Variants in ZC3H12D observed in about 807,000 individuals in gnomAD.
ZC3H12D encodes zinc finger CCCH-type containing 12D.
In ZC3H12D, 11 loss-of-function variants were observed where a neutral mutation model predicts 24.2. The ratio of observed to expected loss-of-function variants is 0.46; its 90% CI spans 0.29 to 0.75. The LOEUF is 0.75. ZC3H12D is among the 30% of genes least tolerant of loss of function. ZC3H12D has a pLI of 0.11. For synonymous variants in ZC3H12D, 333 were observed against 341.8 expected (o/e 0.97, Z 0.28); for missense variants, 740 against 767.7 (o/e 0.96, Z 0.43).
intron 1 of ZC3H12D, among the ~76,000 whole-genome samples, chr6:149,479,521 C>A (rs1776391948): frequency 6.6e-6 from 1 of 152,148 alleles, no homozygotes. Context: ...CCGGAGCCTA[C>A]AGACAGAATG....
At chr6:149,484,426 G>A (rs1032111915) in intron 1 of ZC3H12D, among the ~76,000 whole-genome samples, 2 of 152,128 alleles carry the variant, frequency 1.3e-5, no homozygotes, top group Non-Finnish European at 2.9e-5. Flanking sequence ...GCTCAAATGT[G>A]CCTGGGAGTT....
In ZC3H12D at chr6:149,456,499, T is replaced by C. The variant is rs1047642965; in HGVS notation, c.680+167A>G. Among the ~76,000 whole-genome samples the C allele has an allele frequency of 5.9e-5, 9 of 152,136 alleles. No individual in the cohort carries two copies. The highest frequency in any genetic ancestry group is 1.9e-4 in the East Asian group (1 of 5,152). ...AGGTCAGAGCAAAGCAGCCCACCTA[T>C]TGGGGACGTGCCCGCCGAGAATGCG... On this transcript the variant is annotated intron_variant, in intron 4 of 5. Transcript: ENST00000409806. This position sits in a 1 kb window ranked among gnomAD's most constrained non-coding sequence, Gnocchi z 4.3.
At chr6:149,455,537 C>G (rs1389804768) in intron 4 of ZC3H12D, among the ~76,000 whole-genome samples, 1 of 152,204 alleles carries the variant, frequency 6.6e-6, no homozygotes, top group Non-Finnish European at 1.5e-5. Flanking sequence ...AGACCCTCAT[C>G]CACCTTGCCA....
rs561924051 is a variant in ZC3H12D, at chr6:149,466,615, C to T, written c.306-4645G>A. ...TTTCTTGGCTGGGTGCTGTGGCTCA[C>T]GCCTGTAATCCCAGCACTTTGGGAG... On this transcript the variant is annotated intron_variant, in intron 2 of 5. Transcript: ENST00000409806. Among the ~76,000 whole-genome samples, 10 of 152,220 alleles carry T rather than the reference C, an allele frequency of 6.6e-5. No individual in the cohort carries two copies. In the East Asian group the frequency reaches 1.7e-3, roughly 26 times the overall value.
Position 149,474,408 on chromosome 6 carries a change from G to T in ZC3H12D, c.136C>A (p.Arg46Ser), listed in dbSNP as rs779864351. The T allele has an allele frequency of 4.4e-6, 7 of 1,608,260 alleles. No individual in the cohort carries two copies. The highest frequency in any genetic ancestry group is 1.7e-5 in the Admixed American group (1 of 59,794). The change falls in exon 2 of 6, where the codon CGC becomes AGC. Residue 46 changes from arginine (R) to serine (S), a missense_variant. Coordinates refer to ENST00000409806, the MANE Select transcript of ZC3H12D (RefSeq NM_207360.3). ...GCCGGGTGCTCCAGGGCACCCGGGC[G>T]GCTGCCCGTGCGGATAAGCTCCTGC... ...VLQELIRTGS[R>S]PGALEHPAAP...
chr6:149,466,290 G>T (rs535553629), intron 2 of ZC3H12D, among the ~76,000 whole-genome samples: 6 of 151,546 alleles, frequency 4.0e-5, no homozygotes, highest in African/African-American at 1.5e-4. Context: ...AGATGGGAGG[G>T]GGCGGAGAGG....
At chr6:149,453,867 A>G (rs1775939125) in intron 4 of ZC3H12D, among the ~76,000 whole-genome samples, 1 of 152,156 alleles carries the variant, frequency 6.6e-6, no homozygotes, top group African/African-American at 2.4e-5. Context: ...AGACTCTATC[A>G]TCTCTAAATA....
Position 149,474,477 on chromosome 6 carries a change from C to T in ZC3H12D, c.67G>A (p.Val23Met). 6.3e-7 allele frequency: 1 copy of T among 1,586,034 alleles called. No homozygotes were observed. The highest frequency in any genetic ancestry group is 2.3e-5 in the East Asian group (1 of 44,198). ...GCGCCCTCGCCCAGCTTGCCCAACACCCGGAGCACATCCTCCCGGTCATAG... is the reference window on the plus strand; with the variant it reads ...GCGCCCTCGCCCAGCTTGCCCAACATCCGGAGCACATCCTCCCGGTCATAG... ...LGYDREDVLR[V>M]LGKLGEGALV... Residue 23 changes from valine (V) to methionine (M), a missense_variant, in exon 2 of 6, where the codon GTG becomes ATG. By Grantham distance (21) the Val-to-Met change is conservative (BLOSUM62 1). Transcript: ENST00000409806.
chr6:149,464,420 C>A (rs111722194), intron 2 of ZC3H12D, among the ~76,000 whole-genome samples: 2,933 of 152,194 alleles, frequency 0.019, 88 homozygotes, highest in African/African-American at 0.067. Flanking sequence ...CAGAACCTGG[C>A]CTCAAATTAG....
chr6:149,475,417 CAAT>C (rs1776319541), intron 1 of ZC3H12D, among the ~76,000 whole-genome samples: 1 of 152,220 alleles, frequency 6.6e-6, no homozygotes, highest in East Asian at 1.9e-4. Context: ...TGAACCTCTG[CAAT>C]AGAAGGGCCT....
At chr6:149,476,316 C>T (rs688919) in intron 1 of ZC3H12D, among the ~76,000 whole-genome samples, 7,908 of 152,212 alleles carry the variant, frequency 0.052, 299 homozygotes, top group Non-Finnish European at 0.081. Flanking sequence ...ACCGGCCTGG[C>T]CAACATGGCG....
chr6:149,477,205 G>A (rs756696173), intron 1 of ZC3H12D, among the ~76,000 whole-genome samples: 4 of 152,226 alleles, frequency 2.6e-5, no homozygotes, highest in African/African-American at 4.8e-5. Context: ...TTCTCTGCAG[G>A]CCTGTCCCAG....
At position 149,456,610 on chromosome 6, in the gene ZC3H12D, A is replaced by ACCCCCGCCCCCCCCCCCCCCCCCCCCC; in HGVS notation, c.680+55_680+56insGGGGGGGGGGGGGGGGGGGGGCGGGGG. The stretch of plus-strand genomic sequence containing the variant: ...GGTAGCAGGCGTGGCCACTGCCTCG[A>ACCCCCGCCCCCCCCCCCCCCCCCCCCC]CCCCGGCCCCCCGCCCCGCCGCCCC... On this transcript the variant is annotated intron_variant, in intron 4 of 5. Coordinates refer to ENST00000409806, the MANE Select transcript of ZC3H12D (RefSeq NM_207360.3). The surrounding 1 kb of genome is among the most constrained non-coding windows in gnomAD (Gnocchi z 4.3). The ACCCCCGCCCCCCCCCCCCCCCCCCCCC allele has an allele frequency of 9.5e-7, 1 of 1,048,976 alleles. No homozygotes were observed. The allele number at this position is 1,048,976 out of a possible 1,614,324, so 65.0% of individuals were successfully genotyped here.
chr6:149,472,544 G>A (rs1776262070), intron 2 of ZC3H12D, among the ~76,000 whole-genome samples: 1 of 147,316 alleles, frequency 6.8e-6, no homozygotes, highest in Non-Finnish European at 1.5e-5. Context: ...ATCATGAGAG[G>A]TGGGGGGCAG....
At chr6:149,458,123 C>CTTTTTTTTTTT (rs1776014908) in intron 3 of ZC3H12D, among the ~76,000 whole-genome samples, 1 of 47,164 alleles carries the variant, frequency 2.1e-5, no homozygotes, top group Non-Finnish European at 3.7e-5. Flanking sequence ...TTTTTTTTTT[C>CTTTTTTTTTTT]GTTTCTTTTT....
rs377305055 is a variant in ZC3H12D, at chr6:149,468,103, T to G, written c.306-6133A>C. On this transcript the variant is annotated intron_variant, in intron 2 of 5. Transcript: ENST00000409806. ...TTCAAGCGATTCTCCTGCCTCAGCC[T>G]CCCGAGTAGCTGGGATTACAAGCAT... Among the ~76,000 whole-genome samples, 13 of 152,268 alleles carry G rather than the reference T, an allele frequency of 8.5e-5. 1 individual carries two copies. The highest frequency in any genetic ancestry group is 5.8e-4 in the East Asian group (3 of 5,176).
At chr6:149,482,484 A>C (rs1041481310) in intron 1 of ZC3H12D, among the ~76,000 whole-genome samples, 2 of 152,210 alleles carry the variant, frequency 1.3e-5, no homozygotes, top group Non-Finnish European at 2.9e-5. Flanking sequence ...GTGGCCCGGC[A>C]AGGCCCTGGG....
Position 149,474,576 on chromosome 6 carries a change from C to G in ZC3H12D, c.-33G>C. On this transcript the variant is annotated 5_prime_UTR_variant, in exon 2 of 6. Transcript: ENST00000409806. ...CCAGCGGCCACTGGCGCAGGTCCTG[C>G]CCCAGGCTTCCTCCTCTCAGAGCCC... The G allele has an allele frequency of 7.0e-7, 1 of 1,438,284 alleles. No individual in the cohort carries two copies. Among genetic ancestry groups the G allele is most frequent in the Admixed American group, 2.6e-5 (1 of 39,046 alleles). The allele number at this position is 1,438,284 out of a possible 1,614,324, so 89.1% of individuals were successfully genotyped here. A position where few individuals can be genotyped will look rare whatever the true frequency, so the allele number is the denominator to read the frequency against.
intron 3 of ZC3H12D, among the ~76,000 whole-genome samples, chr6:149,460,948 T>A (rs931194852): frequency 3.3e-5 from 5 of 152,072 alleles, no homozygotes; most frequent in Non-Finnish European, 5.9e-5. Context: ...AAGTCTGCAA[T>A]GAGCCATAGT....
Sources: allele counts gnomAD v4.1 joint callset (sites outside exome capture counted in the v4.1 genomes callset), GRCh38; gene constraint gnomAD v4.1.1; non-coding constraint Gnocchi (gnomAD v3.1); transcripts MANE v1.5; gene names NCBI Gene and HGNC (gene_info 2026-07-23, HGNC 2026-07-21).